The following RTL1 variants were observed in gnomAD, a reference collection of about 807,000 sequenced individuals.
The protein encoded by RTL1 is retrotransposon Gag like 1, also known as retrotransposon-like protein 1.
For missense variants in RTL1, 1,681 were observed against 1,767.5 expected (o/e 0.95, Z 0.88); for synonymous variants, 727 against 748.4 (o/e 0.97, Z 0.47).
At position 100,882,235 on chromosome 14, in the gene RTL1, C is replaced by T. The variant is rs112608318; in HGVS notation, c.2554G>A (p.Ala852Thr). ...QFYWGVEEQE[A>T]FECLKRAFRK... ...AAAGCCCTCTTCAGGCACTCGAAGG[C>T]CTCTTGCTCCTCGACTCCCCAGTAG... Residue 852 changes from alanine (A) to threonine (T), a missense_variant, in exon 4 of 4, where the codon GCC becomes ACC. Ala to Thr is a moderately conservative substitution (Grantham distance 58). Coordinates refer to ENST00000649591, the MANE Select transcript of RTL1 (RefSeq NM_001134888.3). 0.016 allele frequency: 25,315 copies of T among 1,551,286 alleles called. 273 individuals are homozygous for T. Among genetic ancestry groups the T allele is most frequent in the Admixed American group, 0.04 (2,044 of 51,016 alleles).
rs138718034 is a variant in RTL1, at chr14:100,896,631, C to T, written c.-148-3126G>A. Among the ~76,000 whole-genome samples, 14 of 151,644 alleles carry T rather than the reference C, an allele frequency of 9.2e-5. No homozygotes were observed. In the East Asian group the frequency reaches 2.5e-3, roughly 28 times the overall value. On this transcript the variant is annotated intron_variant, in intron 2 of 3. Coordinates refer to ENST00000649591, the MANE Select transcript of RTL1 (RefSeq NM_001134888.3). ...GGGGCTTCTGACGGGAGTCGGGGTG[C>T]CTCCTCTGGATGTGGGGGTGGGCTA... is the stretch of plus-strand genomic sequence containing the variant.
rs762425264 is a variant in RTL1 at position 100,883,126 on chromosome 14, G to C, written c.1663C>G (p.Leu555Val). 7 of 1,611,610 alleles carry C rather than the reference G, an allele frequency of 4.3e-6. No individual in the cohort carries two copies. The highest frequency in any genetic ancestry group is 5.9e-6 in the Non-Finnish European group (7 of 1,178,770). The change falls in exon 4 of 4, where the codon CTG becomes GTG. Residue 555 changes from leucine to valine, a missense_variant. Coordinates refer to ENST00000649591, the MANE Select transcript of RTL1 (RefSeq NM_001134888.3). The surrounding 1 kb of genome is among the most constrained non-coding windows in gnomAD (Gnocchi z 5.9). ...ERHGMSLLPGLPHPYSDLADV... is the reference protein window; with the variant it reads ...ERHGMSLLPGVPHPYSDLADV... ...GCCAGGTCTGAGTATGGGTGTGGCA[G>C]TCCGGGTAGCAGGCTCATGCCGTGC...
Position 100,883,077 on chromosome 14 carries a change from G to T in RTL1, c.1712C>A (p.Ala571Glu). ...TGGCTGGTCGGAAGTCTCATCATCT[G>T]CTTCCTTCGGGTTAAACACGTCGGC... is the stretch of plus-strand genomic sequence containing the variant. ...DLADVFNPKE[A>E]DDETSDQPSS... Residue 571 changes from alanine (A) to glutamate (E), a missense_variant, in exon 4 of 4, where the codon GCA becomes GAA. Physicochemically the swap from Ala to Glu is moderately radical, Grantham distance 107. Transcript: ENST00000649591. This position sits in a 1 kb window ranked among gnomAD's most constrained non-coding sequence, Gnocchi z 5.9. 1 of 1,614,068 alleles carries T rather than the reference G, an allele frequency of 6.2e-7. No homozygotes were observed. The highest frequency in any genetic ancestry group is 8.5e-7 in the Non-Finnish European group (1 of 1,180,000).
intron 2 of RTL1, among the ~76,000 whole-genome samples, chr14:100,895,463 A>G (rs372439361): frequency 6.6e-6 from 1 of 152,220 alleles, no homozygotes; most frequent in South Asian, 2.1e-4. Context: ...AATGCTTGGC[A>G]CATAGTAGAT....
At chr14:100,902,819 C>T (rs150504760) in intron 2 of RTL1, among the ~76,000 whole-genome samples, 219 of 152,338 alleles carry the variant, frequency 1.4e-3, no homozygotes, top group South Asian at 2.7e-3. Flanking sequence ...GGCTTGCACA[C>T]ATCAGACACT....
Position 100,883,838 on chromosome 14 carries a change from C to G in RTL1, c.951G>C (p.Trp317Cys). Residue 317 changes from tryptophan (W) to cysteine (C), a missense_variant, in exon 4 of 4, where the codon TGG (tryptophan) becomes TGC (cysteine). Transcript: ENST00000649591. This position sits in a 1 kb window ranked among gnomAD's most constrained non-coding sequence, Gnocchi z 5.9. ...AGTGGGCCTGCAGGACTTCATCTGG[C>G]CAGCCCAAGATGGGTACCAGGCTCT... Reference protein sequence around the residue: ...EFQSLVPILGWPDEVLQAHLC... With the variant: ...EFQSLVPILGCPDEVLQAHLC... The G allele has an allele frequency of 3.9e-6, 6 of 1,551,618 alleles. No homozygotes were observed. Among genetic ancestry groups the G allele is most frequent in the Non-Finnish European group, 5.2e-6 (6 of 1,146,992 alleles).
rs2038629743 is a variant in RTL1 at position 100,882,378 on chromosome 14, C to G, written c.2411G>C (p.Gly804Ala). The G allele has an allele frequency of 6.4e-7, 1 of 1,551,686 alleles. No homozygotes were observed. The highest frequency in any genetic ancestry group is 2.4e-5 in the East Asian group (1 of 40,902). The part of the protein sequence containing the change: ...MTIITGYPTP[G>A]SKLSLRNFIE... ...GAAGTTTCGCAGAGATAGCTTGGAG[C>G]CAGGGGTAGGGTACCCTGTTATGAT... is the stretch of plus-strand genomic sequence containing the variant. The change falls in exon 4 of 4, where the codon GGC (glycine) becomes GCC (alanine). Residue 804 changes from glycine (G) to alanine (A), a missense_variant. By Grantham distance (60) the Gly-to-Ala change is moderately conservative. Coordinates refer to ENST00000649591, the MANE Select transcript of RTL1 (RefSeq NM_001134888.3).
rs2038630729 is a variant in RTL1 at position 100,882,430 on chromosome 14, C to T, written c.2359G>A (p.Val787Met). 4 of 1,551,948 alleles carry T rather than the reference C, an allele frequency of 2.6e-6. No individual in the cohort carries two copies. Among genetic ancestry groups the T allele is most frequent in the Admixed American group, 3.9e-5 (2 of 51,000 alleles). Residue 787 changes from valine (V) to methionine (M), a missense_variant, in exon 4 of 4, where the codon GTG (valine) becomes ATG (methionine). Transcript: ENST00000649591. Reference sequence around the variant, plus strand: ...GTCATGACGTTCTTGTTCAGTTTCACCCCTTTGGGGGTGACGACGAAGCCC... The same window carrying T: ...GTCATGACGTTCTTGTTCAGTTTCATCCCTTTGGGGGTGACGACGAAGCCC... Reference protein sequence around the residue: ...FLGFVVTPKGVKLNKNVMTII... With the variant: ...FLGFVVTPKGMKLNKNVMTII...
At chr14:100,899,150 CA>C (rs1420559312) in intron 2 of RTL1, 1 of 152,384 alleles carries the variant, frequency 6.6e-6, no homozygotes, top group Non-Finnish European at 1.5e-5. Flanking sequence ...GGCACCCCCC[CA>C]CTGCCCCAGC....
In RTL1 at chr14:100,881,165, C is replaced by G; in HGVS notation, c.3624G>C (p.Glu1208Asp). 6.5e-7 allele frequency: 1 copy of G among 1,542,926 alleles called. No homozygotes were observed. The highest frequency in any genetic ancestry group is 8.8e-7 in the Non-Finnish European group (1 of 1,142,606). ...TCTGACGCAGGGCAGGGAGGTGGCC[C>G]TCCTGGGGGGTGACTCTGACACCGA... ...EFFGVRVTPQEGHLPALRQNR... is the reference protein window; with the variant it reads ...EFFGVRVTPQDGHLPALRQNR... Residue 1208 changes from glutamate to aspartate, a missense_variant, in exon 4 of 4, where the codon GAG (glutamate) becomes GAC (aspartate). Coordinates refer to ENST00000649591, the MANE Select transcript of RTL1 (RefSeq NM_001134888.3). The surrounding 1 kb of genome is among the most constrained non-coding windows in gnomAD (Gnocchi z 6.6).
Position 100,884,779 on chromosome 14 carries a change from G to C in RTL1, c.10C>G (p.Pro4Ala). 1.3e-6 allele frequency: 2 copies of C among 1,566,014 alleles called. No homozygotes were observed. The highest frequency in any genetic ancestry group is 1.7e-6 in the Non-Finnish European group (2 of 1,156,710). MIE[P>A]SEDSFETMME... ...ATCGTCTCAAATGAGTCTTCAGAGG[G>C]TTCTATCATTTCGTCGGATGGAAAG... The change falls in exon 4 of 4, where the codon CCC (proline) becomes GCC (alanine). Residue 4 changes from proline to alanine, a missense_variant. By Grantham distance (27) the Pro-to-Ala change is conservative. Coordinates refer to ENST00000649591, the MANE Select transcript of RTL1 (RefSeq NM_001134888.3).
chr14:100,881,006 G>A lies in RTL1; in HGVS notation c.3783C>T (p.Asp1261=). The A allele has an allele frequency of 1.3e-6, 2 of 1,578,072 alleles. No individual in the cohort carries two copies. Among genetic ancestry groups the A allele is most frequent in the Non-Finnish European group, 1.7e-6 (2 of 1,162,152 alleles). The part of the protein sequence containing the change: ...GLQDTSQDKQ[D]NDVQEAPPSH... The stretch of plus-strand genomic sequence containing the variant: ...TGGGTGGGGCCTCCTGCACGTCGTT[G>A]TCCTGCTTGTCCTGCGAGGTGTCTT... Residue 1261 remains aspartate (D), a synonymous_variant, in exon 4 of 4, where the codon GAC becomes GAT. Transcript: ENST00000649591. This position sits in a 1 kb window ranked among gnomAD's most constrained non-coding sequence, Gnocchi z 6.6.
At chr14:100,892,903 C>T (rs937149337) in intron 3 of RTL1, among the ~76,000 whole-genome samples, 7 of 152,110 alleles carry the variant, frequency 4.6e-5, no homozygotes, top group Admixed American at 6.5e-5. Context: ...GATGTGCTGC[C>T]GTCTTACAGA....
chr14:100,884,989 A>G, intron 3 of RTL1, 115 bp from the exon 4 acceptor site: 1 of 499,584 alleles, frequency 2.0e-6, no homozygotes, highest in Non-Finnish European at 3.5e-6. Flanking sequence ...GCAGAGAGAA[A>G]TGGGGGAAAG....
intron 3 of RTL1, among the ~76,000 whole-genome samples, chr14:100,891,226 C>T (rs564271568): frequency 1.1e-4 from 16 of 152,260 alleles, no homozygotes; most frequent in African/African-American, 2.9e-4. Context: ...TGGCTAAAGA[C>T]GACTTGAGCC....
Position 100,903,288 on chromosome 14 carries a change from T to C in RTL1, c.-149+3A>G, listed in dbSNP as rs549182321. On this transcript the variant is annotated splice_donor_region_variant and intron_variant, in intron 2 of 3. Coordinates refer to ENST00000649591, the MANE Select transcript of RTL1 (RefSeq NM_001134888.3). ...ATTCTCCAAGCCACCACAGTGTACCTACCTTCCCCGGGCCCAGTCCCAAGC... is the reference window on the plus strand; with the variant it reads ...ATTCTCCAAGCCACCACAGTGTACCCACCTTCCCCGGGCCCAGTCCCAAGC... Among the ~76,000 whole-genome samples the C allele has an allele frequency of 7.1e-4, 108 of 152,190 alleles. No homozygotes were observed. The highest frequency in any genetic ancestry group is 2.5e-3 in the African/African-American group (103 of 41,530).
Position 100,893,688 on chromosome 14 carries a change from CCTGAGTG to C in RTL1, c.-148-190_-148-184del, listed in dbSNP as rs2038813207. On this transcript the variant is annotated intron_variant, in intron 2 of 3. Coordinates refer to ENST00000649591, the MANE Select transcript of RTL1 (RefSeq NM_001134888.3). This position sits in a 1 kb window ranked among gnomAD's most constrained non-coding sequence, Gnocchi z 4.2. The stretch of plus-strand genomic sequence containing the variant: ...TACGTTGGGGACCTCCGTGATGCTT[CCTGAGTG>C]CTTACTATGCGCCAAGCGCTGCTTT... Among the ~76,000 whole-genome samples, 1 of 152,228 alleles carries C rather than the reference CCTGAGTG, an allele frequency of 6.6e-6. No individual in the cohort carries two copies. Among genetic ancestry groups the C allele is most frequent in the African/African-American group, 2.4e-5 (1 of 41,458 alleles).
intron 3 of RTL1, among the ~76,000 whole-genome samples, chr14:100,891,550 CTGCTG>C (rs1337632448): frequency 1.3e-5 from 2 of 152,208 alleles, no homozygotes; most frequent in African/African-American, 4.8e-5. Context: ...AGCGCTCCTG[CTGCTG>C]TGTCCCTGCC....
intron 2 of RTL1, among the ~76,000 whole-genome samples, chr14:100,895,327 G>A (rs779592307): frequency 1.3e-4 from 20 of 152,042 alleles, no homozygotes; most frequent in Non-Finnish European, 1.9e-4. Context: ...ACAGGGCAGG[G>A]TTTGCTTAGG....
Sources: allele counts gnomAD v4.1 joint callset (sites outside exome capture counted in the v4.1 genomes callset), GRCh38; gene constraint gnomAD v4.1.1; non-coding constraint Gnocchi (gnomAD v3.1); transcripts MANE v1.5; gene names NCBI Gene and HGNC (gene_info 2026-07-23, HGNC 2026-07-21).